Variants in PRIM2 observed in about 807,000 individuals in gnomAD.
PRIM2 encodes the protein DNA primase subunit 2.
PRIM2 carries 39 observed loss-of-function variants against 67.3 expected under a neutral mutation model. That is an observed-to-expected ratio of 0.58 (90% CI 0.45 to 0.76). The LOEUF (loss-of-function observed/expected upper bound fraction) is 0.76. Among genes scored for constraint, PRIM2 ranks in the 30% least tolerant of loss-of-function variants. PRIM2 has a pLI of 0.00. For synonymous variants in PRIM2, 143 were observed against 198.7 expected, an observed-to-expected ratio of 0.72 and a Z score of 2.36; for missense variants, 398 against 598.7, an observed-to-expected ratio of 0.66 and a Z score of 3.50.
At chr6:57,322,127 G>A (rs1390310209) in intron 3 of PRIM2, among the ~76,000 whole-genome samples, 1 of 152,032 alleles carries the variant, frequency 6.6e-6, no homozygotes, top group Non-Finnish European at 1.5e-5. Flanking sequence ...AGAGAAATAG[G>A]GCAGAATATA....
At chr6:57,513,948 C>G (rs1774425208) in intron 8 of PRIM2, among the ~76,000 whole-genome samples, 1 of 152,028 alleles carries the variant, frequency 6.6e-6, no homozygotes, top group Non-Finnish European at 1.5e-5. Flanking sequence ...TATTTCAGCC[C>G]AAGAATGAAT....
intron 5 of PRIM2, among the ~76,000 whole-genome samples, chr6:57,352,534 C>T (rs971428773): frequency 8.5e-5 from 13 of 152,130 alleles, no homozygotes; most frequent in Admixed American, 1.3e-4. Context: ...CCACCACGCC[C>T]GGCCTATTAA....
chr6:57,365,780 T>C (rs1041676886), intron 5 of PRIM2, among the ~76,000 whole-genome samples: 1 of 151,958 alleles, frequency 6.6e-6, no homozygotes, highest in Non-Finnish European at 1.5e-5. Flanking sequence ...GGTAACATAA[T>C]GAGACCCGGT....
At chr6:57,508,962 G>T (rs2127460140) in intron 8 of PRIM2, among the ~76,000 whole-genome samples, 1 of 152,356 alleles carries the variant, frequency 6.6e-6, no homozygotes, top group South Asian at 2.1e-4. Flanking sequence ...AGCACCAATA[G>T]TGTTTTCCTT....
chr6:57,347,490 A>G (rs1315791137), intron 5 of PRIM2, among the ~76,000 whole-genome samples: 1 of 152,214 alleles, frequency 6.6e-6, no homozygotes, highest in Non-Finnish European at 1.5e-5. Context: ...TCTGTCGCCT[A>G]GGCTGGAGTG....
intron 7 of PRIM2, among the ~76,000 whole-genome samples, chr6:57,389,205 A>G (rs890478586): frequency 3.3e-5 from 5 of 152,184 alleles, no homozygotes; most frequent in African/African-American, 1.2e-4. Context: ...CCCAGGCTCA[A>G]GCAGTCCGCC....
At chr6:57,286,195 T>A in the PRIM2 span, among the ~76,000 whole-genome samples, 1 of 152,140 alleles carries the variant, frequency 6.6e-6, no homozygotes. Flanking sequence ...AAGTAATTTA[T>A]AGATTCAATG....
At chr6:57,529,124 C>T (rs1310493022) in intron 8 of PRIM2, among the ~76,000 whole-genome samples, 14 of 152,116 alleles carry the variant, frequency 9.2e-5, no homozygotes, top group Non-Finnish European at 1.3e-4. Context: ...TCCTAGCTAA[C>T]ACGGTGAAAC....
At chr6:57,442,402 A>G (rs7766504) in intron 7 of PRIM2, among the ~76,000 whole-genome samples, 108,899 of 151,360 alleles carry the variant, frequency 0.72, 39,564 homozygotes, top group African/African-American at 0.83. Flanking sequence ...AATAATTAAT[A>G]GGAATATGTG....
chr6:57,622,963 T>TA (rs1166269814), intron 12 of PRIM2, among the ~76,000 whole-genome samples: 2 of 152,218 alleles, frequency 1.3e-5, no homozygotes, highest in Non-Finnish European at 2.9e-5. Context: ...AAATCTGAGC[T>TA]ACCTAAAAAC....
chr6:57,409,759 CTTTTG>C (rs1220107513), intron 7 of PRIM2, among the ~76,000 whole-genome samples: 3 of 146,290 alleles, frequency 2.1e-5, no homozygotes, highest in Non-Finnish European at 3.0e-5. Flanking sequence ...TGTGGTTTGC[CTTTTG>C]TTTTAACAAT....
At chr6:57,541,450 T>C (rs1775151400) in intron 10 of PRIM2, among the ~76,000 whole-genome samples, 1 of 152,176 alleles carries the variant, frequency 6.6e-6, no homozygotes. Flanking sequence ...ACAGTGAATA[T>C]ATATAATACA....
At position 57,521,367 on chromosome 6, in the gene PRIM2, GTTTTTTTTTTTTTTTTT is replaced by G. The variant is rs1163114437; in HGVS notation, c.762-11034_762-11018del. 8.0e-3 allele frequency among the ~76,000 whole-genome samples: 786 copies of G among 97,974 alleles called. 7 individuals carry two copies. Among genetic ancestry groups the G allele is most frequent in the Middle Eastern group, 0.02 (2 of 102 alleles). The allele number at this position is 97,974 out of a possible 152,430, so 64.3% of individuals were successfully genotyped here. The stretch of plus-strand genomic sequence containing the variant: ...GAGTGGCTTAGTTTATGTGGTTAGG[GTTTTTTTTTTTTTTTTT>G]TTTTTTTTTAACACCCTAAGTGGGT... On this transcript the variant is annotated intron_variant, in intron 8 of 13. Coordinates refer to ENST00000615550, the MANE Select transcript of PRIM2 (RefSeq NM_000947.5).
At chr6:57,454,030 A>G (rs1772660231) in intron 7 of PRIM2, among the ~76,000 whole-genome samples, 1 of 152,200 alleles carries the variant, frequency 6.6e-6, no homozygotes. Flanking sequence ...CCTTTTCTGC[A>G]TCTATTGAAA....
At chr6:57,314,395 A>G (rs1427922963), upstream of PRIM2, among the ~76,000 whole-genome samples, 1 of 152,220 alleles carries the variant, frequency 6.6e-6, no homozygotes, top group Non-Finnish European at 1.5e-5. Context: ...AGGCGCCTGT[A>G]ATCCCAGCTA....
intron 7 of PRIM2, among the ~76,000 whole-genome samples, chr6:57,481,262 A>T (rs1773621640): frequency 6.6e-6 from 1 of 152,118 alleles, no homozygotes; most frequent in African/African-American, 2.4e-5. Context: ...TTATAGTCAT[A>T]GCACCCCATC....
intron 5 of PRIM2, among the ~76,000 whole-genome samples, chr6:57,328,899 C>G (rs1767961741): frequency 6.6e-6 from 1 of 152,310 alleles, no homozygotes; most frequent in Non-Finnish European, 1.5e-5. Flanking sequence ...ATTTGCATTT[C>G]TAATGAAGCT....
chr6:57,269,567 C>T, the PRIM2 span, among the ~76,000 whole-genome samples: 1 of 151,992 alleles, frequency 6.6e-6, no homozygotes, highest in Non-Finnish European at 1.5e-5. Context: ...AAATTTTCTC[C>T]CATTCTGTAG....
chr6:57,377,917 G>A (rs1769822035), intron 5 of PRIM2, among the ~76,000 whole-genome samples: 1 of 151,942 alleles, frequency 6.6e-6, no homozygotes, highest in Admixed American at 6.5e-5. Flanking sequence ...AGGGCTGGAT[G>A]TTTGTATGTT....
Sources: allele counts gnomAD v4.1 joint callset (sites outside exome capture counted in the v4.1 genomes callset), GRCh38; gene constraint gnomAD v4.1.1; transcripts MANE v1.5; gene names NCBI Gene and HGNC (gene_info 2026-07-23, HGNC 2026-07-21).